The following SFR1 variants were observed in gnomAD, a reference collection of about 807,000 sequenced individuals.
SFR1 encodes SWI5 dependent homologous recombination repair protein 1.
A neutral mutation model predicts 26.2 loss-of-function variants in SFR1; 24 were observed. The ratio of observed to expected loss-of-function variants is 0.92; its 90% CI spans 0.66 to 1.29. SFR1 has a LOEUF of 1.29. Among genes scored for constraint, SFR1 ranks in the 50% most tolerant of loss-of-function variants. The pLI is 0.00. For missense variants in SFR1, 276 were observed against 270.2 expected (o/e 1.02, Z -0.15); for synonymous variants, 77 against 96.6 (o/e 0.80, Z 1.19).
intron 1 of SFR1, chr10:104,122,759 A>C: frequency 1.4e-6 from 2 of 1,480,370 alleles, no homozygotes; most frequent in Non-Finnish European, 1.8e-6. Flanking sequence ...TAGCTGGTTG[A>C]TGTATCATGA....
chr10:104,123,769 C>T lies in SFR1; in HGVS notation c.191C>T (p.Ser64Phe), dbSNP rs1244267715. Residue 64 changes from serine (S) to phenylalanine (F), a missense_variant, in exon 3 of 4, where the codon TCC becomes TTC. Transcript: ENST00000369727. ...RLRKTRFSFN[S>F]SYNVVKRLKV... Reference sequence around the variant, plus strand: ...AGGAAAACAAGATTTTCATTTAATTCCTCTTACAATGTGGTGAAACGTCTT... The same window carrying T: ...AGGAAAACAAGATTTTCATTTAATTTCTCTTACAATGTGGTGAAACGTCTT... 5 of 1,607,630 alleles carry T rather than the reference C, an allele frequency of 3.1e-6. No individual in the cohort carries two copies. The African/African-American group carries it at 6.7e-5, about 22-fold the overall frequency.
chr10:104,121,109 G>C (rs1008700559), upstream of SFR1, among the ~76,000 whole-genome samples: 1 of 146,532 alleles, frequency 6.8e-6, no homozygotes, highest in East Asian at 2.0e-4. Flanking sequence ...AGCGGGGCGC[G>C]GGGGGGGGAT....
At position 104,122,627 on chromosome 10, in the gene SFR1, C is replaced by T. The variant is rs1486472771; in HGVS notation, c.14-338C>T. 1.4e-5 allele frequency: 18 copies of T among 1,309,530 alleles called. No homozygotes were observed. The South Asian group carries it at 2.7e-4, about 19-fold the overall frequency. 81.1% of individuals were successfully genotyped at this position (1,309,530 alleles called of 1,614,324 possible). ...GGCTATAGCTTCTTGAATTATGAAGCTGTCATAATAAAGAATTCCTGATTA... is the reference window on the plus strand; with the variant it reads ...GGCTATAGCTTCTTGAATTATGAAGTTGTCATAATAAAGAATTCCTGATTA... On this transcript the variant is annotated intron_variant, in intron 1 of 3. Coordinates refer to ENST00000369727, the MANE Select transcript of SFR1 (RefSeq NM_001002759.2).
rs2087018716 is a variant in SFR1 at position 104,125,637 on chromosome 10, A to C, written c.671A>C (p.Asp224Ala). 2 of 1,612,874 alleles carry C rather than the reference A, an allele frequency of 1.2e-6. No homozygotes were observed. Among genetic ancestry groups the C allele is most frequent in the African/African-American group, 2.7e-5 (2 of 75,014 alleles). ...AAACTAAGCCTTACTCAATTGATAG[A>C]CCACTATGGGTTAGATGATAAATTA... The part of the protein sequence containing the change: ...NKKLSLTQLI[D>A]HYGLDDKLLH... Residue 224 changes from aspartate (D) to alanine (A), a missense_variant, in exon 4 of 4, where the codon GAC (aspartate) becomes GCC (alanine). Physicochemically the swap from Asp to Ala is moderately radical, Grantham distance 126. Transcript: ENST00000369727.
chr10:104,121,465 C>T (rs2086959988), upstream of SFR1, among the ~76,000 whole-genome samples: 1 of 152,178 alleles, frequency 6.6e-6, no homozygotes, highest in African/African-American at 2.4e-5. Context: ...ATGTGGACCC[C>T]AACGCTGGAA....
At position 104,124,065 on chromosome 10, in the gene SFR1, G is replaced by T. The variant is rs761710805; in HGVS notation, c.487G>T (p.Val163Phe). Reference sequence around the variant, plus strand: ...TGAAAAAGCCAAATTGGTGAAGCAGGTTCAGGAGAAAGAAGACCTTCTTCG... The same window carrying T: ...TGAAAAAGCCAAATTGGTGAAGCAGTTTCAGGAGAAAGAAGACCTTCTTCG... ...NAEKAKLVKQ[V>F]QEKEDLLRRL... Residue 163 changes from valine (V) to phenylalanine (F), a missense_variant, in exon 3 of 4, where the codon GTT becomes TTT. Coordinates refer to ENST00000369727, the MANE Select transcript of SFR1 (RefSeq NM_001002759.2). 6.2e-7 allele frequency: 1 copy of T among 1,613,808 alleles called. No homozygotes were observed. The highest frequency in any genetic ancestry group is 1.7e-5 in the Admixed American group (1 of 59,946).
Position 104,125,722 on chromosome 10 carries a change from A to G in SFR1, c.*18A>G. ...ATGTTTAATTCCTGATTTTTGCTCC[A>G]GAATATCTTTGAGAATGACAACTTA... is the stretch of plus-strand genomic sequence containing the variant. On this transcript the variant is annotated 3_prime_UTR_variant, in exon 4 of 4. Coordinates refer to ENST00000369727, the MANE Select transcript of SFR1 (RefSeq NM_001002759.2). 1 of 1,527,784 alleles carries G rather than the reference A, an allele frequency of 6.5e-7. No homozygotes were observed. Among genetic ancestry groups the G allele is most frequent in the African/African-American group, 1.4e-5 (1 of 71,722 alleles). The allele number at this position is 1,527,784 out of a possible 1,614,324, so 94.6% of individuals were successfully genotyped here.
intron 1 of SFR1, chr10:104,122,454 G>A: frequency 2.0e-6 from 2 of 985,392 alleles, no homozygotes; most frequent in Non-Finnish European, 2.4e-6. Context: ...CCTGTTGGCC[G>A]CTTAAACTAA....
chr10:104,124,175 C>A, intron 3 of SFR1, 51 bp downstream of exon 3: 2 of 1,394,280 alleles, frequency 1.4e-6, no homozygotes, highest in African/African-American at 1.5e-5. Flanking sequence ...ACATAAATTA[C>A]AGGAAAGTAA....
At chr10:104,121,998 C>A, upstream of SFR1, 1 of 622,220 alleles carries the variant, frequency 1.6e-6, no homozygotes, top group Non-Finnish European at 2.8e-6. Context: ...CCAAGCCCCG[C>A]CCCAACCACC....
rs374895882 is a variant in SFR1 at position 104,123,678 on chromosome 10, T to C, written c.136-36T>C. The C allele has an allele frequency of 4.3e-5, 63 of 1,479,462 alleles. No individual in the cohort carries two copies. In the African/African-American group the frequency reaches 7.8e-4, roughly 18 times the overall value. 91.6% of individuals were successfully genotyped at this position (1,479,462 alleles called of 1,614,324 possible). On this transcript the variant is annotated intron_variant, in intron 2 of 3. Transcript: ENST00000369727. ...TTTATTGACATTAAGAATGTTTTTC[T>C]TGATTCACATTTTTAATGTTTTGTG...
chr10:104,121,683 G>C (rs1273847718), upstream of SFR1, among the ~76,000 whole-genome samples: 2 of 152,196 alleles, frequency 1.3e-5, no homozygotes, highest in Non-Finnish European at 2.9e-5. Context: ...TGGAGCCAGA[G>C]AATGGAGGCG....
chr10:104,122,327 A>C (rs1041286645), intron 1 of SFR1, 131 bp downstream of exon 1: 3 of 1,395,574 alleles, frequency 2.1e-6, no homozygotes, highest in Non-Finnish European at 2.8e-6. Flanking sequence ...TCTCCGGGGA[A>C]CTAGTGGGCT....
chr10:104,122,161 G>A, upstream of SFR1: 1 of 1,548,294 alleles, frequency 6.5e-7, no homozygotes, highest in Non-Finnish European at 8.7e-7. Context: ...GCAGGTGCGC[G>A]CGCTTTTTTG....
rs374701427 is a variant in SFR1, at chr10:104,122,760, T to C, written c.14-205T>C. On this transcript the variant is annotated intron_variant, in intron 1 of 3. Transcript: ENST00000369727. ...TGACTATGAGATACTAGCTGGTTGA[T>C]GTATCATGAAAAACTTAGTGGTCCC... is the stretch of plus-strand genomic sequence containing the variant. 3.4e-6 allele frequency: 5 copies of C among 1,481,324 alleles called. No individual in the cohort carries two copies. The African/African-American group carries it at 5.6e-5, about 17-fold the overall frequency. The allele number at this position is 1,481,324 out of a possible 1,614,324, so 91.8% of individuals were successfully genotyped here.
At chr10:104,124,744 G>A (rs2087007326) in intron 3 of SFR1, among the ~76,000 whole-genome samples, 1 of 151,926 alleles carries the variant, frequency 6.6e-6, no homozygotes, top group Non-Finnish European at 1.5e-5. Context: ...AAATTCTGGA[G>A]TTTTTAAAAA....
In SFR1 at chr10:104,123,022, T is replaced by G. The variant is rs761266144; in HGVS notation, c.71T>G (p.Leu24Ter). The change falls in exon 2 of 4, where the codon TTA becomes TGA. Residue 24 changes from leucine (L) to a stop codon, truncating the protein, a stop_gained. Transcript: ENST00000369727. LOFTEE classifies it high-confidence loss of function. Reference sequence around the variant, plus strand: ...AGTCCGTCAGACTCAGCTGTGGTTTTACCTAGCACTCCTCAGGCCTCTGCG... The same window carrying G: ...AGTCCGTCAGACTCAGCTGTGGTTTGACCTAGCACTCCTCAGGCCTCTGCG... Reference protein sequence around the residue: ...MESPSDSAVVLPSTPQASANP... With the variant: ...MESPSDSAVV 6.2e-7 allele frequency: 1 copy of G among 1,613,776 alleles called. No individual in the cohort carries two copies. The highest frequency in any genetic ancestry group is 1.1e-5 in the South Asian group (1 of 90,984).
At chr10:104,124,240 G>A in intron 3 of SFR1, 116 bp downstream of exon 3, 1 of 925,054 alleles carries the variant, frequency 1.1e-6, no homozygotes, top group South Asian at 2.5e-5. Flanking sequence ...CAAATATTCA[G>A]AAACCTGGCT....
At position 104,123,749 on chromosome 10, in the gene SFR1, A is replaced by G; in HGVS notation, c.171A>G (p.Lys57=). The G allele has an allele frequency of 1.9e-6, 3 of 1,604,716 alleles. No homozygotes were observed. The highest frequency in any genetic ancestry group is 2.5e-6 in the Non-Finnish European group (3 of 1,177,114). Residue 57 remains lysine (K), a synonymous_variant, in exon 3 of 4, where the codon AAA becomes AAG. Transcript: ENST00000369727. The part of the protein sequence containing the change: ...MSATLRERLR[K]TRFSFNSSYN... ...CAACACTTAGAGAAAGATTAAGGAA[A>G]ACAAGATTTTCATTTAATTCCTCTT...
Sources: gnomAD v4.1 joint callset for allele counts (sites outside exome capture counted in the v4.1 genomes callset) on GRCh38, gnomAD v4.1.1 for gene constraint, MANE v1.5 for transcripts, NCBI Gene and HGNC (gene_info 2026-07-23, HGNC 2026-07-21) for gene names.